Variants in KIAA0586 observed in about 807,000 individuals in gnomAD.
KIAA0586 encodes the protein protein TALPID3.
In KIAA0586, 144 loss-of-function variants were observed where a neutral mutation model predicts 169.8. The observed-to-expected ratio is 0.85, with a 90% confidence interval of 0.74 to 0.97. The LOEUF is 0.97. Among genes scored for constraint, KIAA0586 ranks in the 50% least tolerant of loss-of-function variants. The probability of loss-of-function intolerance (pLI) is 0.00; values close to 1 mark genes in which losing one functional copy is unlikely to be tolerated. For synonymous variants in KIAA0586, 625 were observed against 612.4 expected, an observed-to-expected ratio of 1.02 and a Z score of -0.30; for missense variants, 1,854 against 1,823.0, an observed-to-expected ratio of 1.02 and a Z score of -0.31.
In KIAA0586 at chr14:58,439,137, A is replaced by G. The variant is rs143396654; in HGVS notation, c.411-3569A>G. 1.7e-3 allele frequency among the ~76,000 whole-genome samples: 259 copies of G among 152,290 alleles called. 1 individual carries two copies. The highest frequency in any genetic ancestry group is 5.7e-3 in the African/African-American group (238 of 41,574). ...ACTCTACCACTTAATAAATAGTTCT[A>G]TGACAGTGATCAAGTAAATCCTGTT... On this transcript the variant is annotated intron_variant, in intron 4 of 30. Transcript: ENST00000652326.
chr14:58,537,741 A>G (rs111401600), intron 29 of KIAA0586, among the ~76,000 whole-genome samples: 3 of 151,956 alleles, frequency 2.0e-5, no homozygotes, highest in South Asian at 2.1e-4. Flanking sequence ...TCAGCCTCCC[A>G]GGTTCACGCC....
intron 27 of KIAA0586, among the ~76,000 whole-genome samples, chr14:58,501,309 A>G (rs1422476220): frequency 6.6e-6 from 1 of 152,244 alleles, no homozygotes; most frequent in African/African-American, 2.4e-5. Context: ...AGAGTATTAA[A>G]TGTTTTACAT....
rs1000764547 is a variant in KIAA0586, at chr14:58,537,575, C to G, written c.4430-2496C>G. On this transcript the variant is annotated intron_variant, in intron 29 of 30. Transcript: ENST00000652326. ...AAGCAGTAATAATTTCTGTCCCTCT[C>G]TAACTCTTGGAAGTTTAGAAACAAA... is the stretch of plus-strand genomic sequence containing the variant. 2.0e-5 allele frequency among the ~76,000 whole-genome samples: 3 copies of G among 152,182 alleles called. No homozygotes were observed. The South Asian group carries it at 6.2e-4, about 32-fold the overall frequency.
At chr14:58,517,135 C>G (rs575224357) in intron 29 of KIAA0586, among the ~76,000 whole-genome samples, 29 of 152,144 alleles carry the variant, frequency 1.9e-4, no homozygotes, top group Middle Eastern at 3.4e-3. Flanking sequence ...TGGACTTAAT[C>G]AAAATAAAAA....
intron 21 of KIAA0586, among the ~76,000 whole-genome samples, chr14:58,483,304 T>G (rs375422492): frequency 1.3e-3 from 198 of 152,354 alleles, no homozygotes; most frequent in African/African-American, 4.6e-3. Context: ...CATTCATATT[T>G]ATTGATTGAT....
intron 12 of KIAA0586, 114 bp from the exon 13 acceptor site, chr14:58,459,728 TA>T: frequency 3.6e-6 from 2 of 551,922 alleles, no homozygotes. Flanking sequence ...TTAATGCATT[TA>T]AAACTGCTAA....
chr14:58,460,891 TATA>T, intron 13 of KIAA0586, 92 bp from the exon 14 acceptor site: 1 of 814,486 alleles, frequency 1.2e-6, no homozygotes, highest in Non-Finnish European at 1.8e-6. Flanking sequence ...TCATTCTTGT[TATA>T]ATACTTAAGC....
Position 58,548,631 on chromosome 14 carries a change from G to A in KIAA0586, c.*699G>A, listed in dbSNP as rs765787360. 2.6e-5 allele frequency: 4 copies of A among 152,184 alleles called. No homozygotes were observed. Among genetic ancestry groups the A allele is most frequent in the East Asian group, 1.9e-4 (1 of 5,184 alleles). 9.4% of individuals were successfully genotyped at this position (152,184 alleles called of 1,614,324 possible). On this transcript the variant is annotated 3_prime_UTR_variant, in exon 31 of 31. Coordinates refer to ENST00000652326, the MANE Select transcript of KIAA0586 (RefSeq NM_001329943.3). ...GGGTGATAGGAGAGGCTAAGTGATA[G>A]GAATCAAGGATAATCGTGGTTACTA...
intron 29 of KIAA0586, among the ~76,000 whole-genome samples, chr14:58,528,814 CA>C (rs1408246852): frequency 1.3e-5 from 2 of 152,028 alleles, no homozygotes; most frequent in Non-Finnish European, 2.9e-5. Context: ...CAAGAGCAAA[CA>C]AATTCAAAAG....
At chr14:58,505,707 A>T (rs2043890211) in intron 27 of KIAA0586, among the ~76,000 whole-genome samples, 1 of 151,978 alleles carries the variant, frequency 6.6e-6, no homozygotes, top group Non-Finnish European at 1.5e-5. Flanking sequence ...CTTTTCATTC[A>T]TATGTTTGTT....
intron 7 of KIAA0586, among the ~76,000 whole-genome samples, chr14:58,449,217 G>A (rs1048236212): frequency 2.6e-5 from 4 of 152,162 alleles, no homozygotes; most frequent in African/African-American, 9.7e-5. Flanking sequence ...GATTGCTCAT[G>A]CTTTTAAGGT....
At chr14:58,462,287 A>C (rs894833963) in intron 14 of KIAA0586, among the ~76,000 whole-genome samples, 1 of 134,110 alleles carries the variant, frequency 7.5e-6, no homozygotes, top group Admixed American at 8.7e-5. Flanking sequence ...TTGCTCTGTC[A>C]TCCAGGCTGG....
chr14:58,458,652 C>A (rs2040068678), intron 12 of KIAA0586, 107 bp downstream of exon 12: 1 of 601,988 alleles, frequency 1.7e-6, no homozygotes, highest in South Asian at 2.7e-5. Context: ...ATATAAAAAT[C>A]CACTTATTTT....
Position 58,543,809 on chromosome 14 carries a change from G to A in KIAA0586, c.4495+3673G>A, listed in dbSNP as rs888295126. The A allele has an allele frequency of 5.9e-5, 25 of 422,930 alleles. No individual in the cohort carries two copies. In the East Asian group the frequency reaches 6.4e-4, roughly 11 times the overall value. The allele number at this position is 422,930 out of a possible 1,614,324, so 26.2% of individuals were successfully genotyped here. On this transcript the variant is annotated intron_variant, in intron 30 of 30. Transcript: ENST00000652326. Reference sequence around the variant, plus strand: ...TTCTATGGACTATTTTTATAGATCCGTCTCCCGTCTCTCTATTTTCCACAC... The same window carrying A: ...TTCTATGGACTATTTTTATAGATCCATCTCCCGTCTCTCTATTTTCCACAC...
rs1310456897 is a variant in KIAA0586 at position 58,459,848 on chromosome 14, A to G, written c.1662A>G (p.Glu554=). The G allele has an allele frequency of 1.3e-6, 2 of 1,500,438 alleles. No individual in the cohort carries two copies. Among genetic ancestry groups the G allele is most frequent in the Admixed American group, 2.1e-5 (1 of 46,788 alleles). The allele number at this position is 1,500,438 out of a possible 1,614,324, so 92.9% of individuals were successfully genotyped here. A position where few individuals can be genotyped will look rare whatever the true frequency, so the allele number is the denominator to read the frequency against. ...IKTISAEIQD[E]LSRTDYEQKR... Reference sequence around the variant, plus strand: ...TTAACTTTGGTTATGTTAAGGATGAACTGTCAAGAACAGATTATGAACAAA... The same window carrying G: ...TTAACTTTGGTTATGTTAAGGATGAGCTGTCAAGAACAGATTATGAACAAA... Residue 554 remains glutamate (E), a synonymous_variant, in exon 13 of 31, where the codon GAA becomes GAG. Transcript: ENST00000652326.
At chr14:58,439,332 G>A (rs2038100652) in intron 4 of KIAA0586, among the ~76,000 whole-genome samples, 1 of 152,016 alleles carries the variant, frequency 6.6e-6, no homozygotes, top group Non-Finnish European at 1.5e-5. Flanking sequence ...GACTACAGGC[G>A]CCTGCCACCA....
chr14:58,431,294 C>G (rs537609993), intron 3 of KIAA0586, among the ~76,000 whole-genome samples: 1 of 151,988 alleles, frequency 6.6e-6, no homozygotes, highest in Non-Finnish European at 1.5e-5. Flanking sequence ...ACGGAGTCTC[C>G]CTCTGTTGTC....
intron 29 of KIAA0586, among the ~76,000 whole-genome samples, chr14:58,526,643 C>G (rs189522721): frequency 6.6e-6 from 1 of 152,298 alleles, no homozygotes; most frequent in Admixed American, 6.5e-5. Context: ...AACCAGAACA[C>G]CTCTTCTTCA....
chr14:58,502,020 T>C (rs2043603600), intron 27 of KIAA0586, among the ~76,000 whole-genome samples: 1 of 152,170 alleles, frequency 6.6e-6, no homozygotes, highest in East Asian at 1.9e-4. Context: ...CACATGGATT[T>C]AGCAAGAGGC....
Sources: gnomAD v4.1 joint callset for allele counts (sites outside exome capture counted in the v4.1 genomes callset) on GRCh38, gnomAD v4.1.1 for gene constraint, MANE v1.5 for transcripts, NCBI Gene and HGNC (gene_info 2026-07-23, HGNC 2026-07-21) for gene names.